PDLIM5: variants seen among roughly 807,000 people sequenced by gnomAD.
PDLIM5 encodes the protein PDZ and LIM domain 5.
Under a neutral mutation model 64.2 loss-of-function variants are expected in PDLIM5, and 34 were observed. That is an observed-to-expected ratio of 0.53 (90% CI 0.40 to 0.71). PDLIM5 has a LOEUF of 0.71. Ranked by LOEUF, PDLIM5 falls within the 30% of genes least tolerant of loss-of-function variation. The probability of loss-of-function intolerance (pLI) is 0.00; values close to 1 mark genes in which losing one functional copy is unlikely to be tolerated. For synonymous variants in PDLIM5, 253 were observed against 269.1 expected (o/e 0.94, Z 0.59); for missense variants, 683 against 733.6 (o/e 0.93, Z 0.80).
At chr4:94,592,687 G>A (rs957629142) in intron 7 of PDLIM5, among the ~76,000 whole-genome samples, 1 of 152,104 alleles carries the variant, frequency 6.6e-6, no homozygotes, top group East Asian at 1.9e-4. Context: ...GAGTGCAGTG[G>A]CGCCATCATG....
chr4:94,559,639 G>A (rs977958635), intron 3 of PDLIM5, among the ~76,000 whole-genome samples: 6 of 152,170 alleles, frequency 3.9e-5, no homozygotes, highest in African/African-American at 9.7e-5. Flanking sequence ...TGTGCATGTC[G>A]AAACTGGAAC....
At chr4:94,469,796 G>A (rs937831005) in intron 2 of PDLIM5, among the ~76,000 whole-genome samples, 1 of 151,924 alleles carries the variant, frequency 6.6e-6, no homozygotes, top group Non-Finnish European at 1.5e-5. Flanking sequence ...TTTTTTTTGA[G>A]CAAAGGAATA....
At chr4:94,551,977 C>T (rs984440522) in intron 3 of PDLIM5, among the ~76,000 whole-genome samples, 4 of 152,066 alleles carry the variant, frequency 2.6e-5, no homozygotes, top group Admixed American at 6.6e-5. Context: ...GATTATTAGG[C>T]AAAGATATTA....
rs1743060440 is a variant in PDLIM5 at position 94,665,940 on chromosome 4, G to T, written c.*1873G>T. On this transcript the variant is annotated 3_prime_UTR_variant, in exon 13 of 13. Transcript: ENST00000317968. ...ACCACATGGAGACAGGGAAACAATT[G>T]TGGTAAAACTGTGGATCCTGTTGCT... 2.0e-6 allele frequency: 3 copies of T among 1,516,350 alleles called. No individual in the cohort carries two copies. Among genetic ancestry groups the T allele is most frequent in the Non-Finnish European group, 2.6e-6 (3 of 1,138,982 alleles). The allele number at this position is 1,516,350 out of a possible 1,614,324, so 93.9% of individuals were successfully genotyped here. A position where few individuals can be genotyped will look rare whatever the true frequency, so the allele number is the denominator to read the frequency against.
chr4:94,507,698 G>A (rs1728510152), intron 2 of PDLIM5, among the ~76,000 whole-genome samples: 1 of 152,168 alleles, frequency 6.6e-6, no homozygotes, highest in African/African-American at 2.4e-5. Context: ...AGATTTACCT[G>A]CAACTTCTGG....
At chr4:94,502,416 A>C (rs1728006277) in intron 2 of PDLIM5, among the ~76,000 whole-genome samples, 2 of 152,184 alleles carry the variant, frequency 1.3e-5, no homozygotes, top group South Asian at 4.1e-4. Flanking sequence ...GGCAGCCCAC[A>C]TGGTGGTCAT....
chr4:94,551,567 G>A (rs888608280), intron 3 of PDLIM5, among the ~76,000 whole-genome samples: 8 of 151,938 alleles, frequency 5.3e-5, no homozygotes, highest in African/African-American at 1.4e-4. Flanking sequence ...ATTTTTAACC[G>A]CAACCCTGTA....
At chr4:94,545,693 T>C (rs1732249857) in intron 3 of PDLIM5, among the ~76,000 whole-genome samples, 1 of 152,182 alleles carries the variant, frequency 6.6e-6, no homozygotes, top group Non-Finnish European at 1.5e-5. Context: ...AGTCATTTTT[T>C]AGTAGATGAT....
chr4:94,666,642 A>G lies in PDLIM5; in HGVS notation c.*2575A>G, dbSNP rs1188784300. ...AGATAGTATTTGATAAGTCAATGAC[A>G]TTTGGATGTTTTCTTCAAAGAATTT... On this transcript the variant is annotated 3_prime_UTR_variant, in exon 13 of 13. Transcript: ENST00000317968. The G allele has an allele frequency of 6.6e-6, 1 of 152,552 alleles. No homozygotes were observed. The highest frequency in any genetic ancestry group is 6.5e-5 in the Admixed American group (1 of 15,282). The allele number at this position is 152,552 out of a possible 1,614,324, so 9.4% of individuals were successfully genotyped here. A position where few individuals can be genotyped will look rare whatever the true frequency, so the allele number is the denominator to read the frequency against.
At chr4:94,660,287 G>C (rs1742579388) in intron 11 of PDLIM5, among the ~76,000 whole-genome samples, 1 of 152,052 alleles carries the variant, frequency 6.6e-6, no homozygotes, top group South Asian at 2.1e-4. Flanking sequence ...CAGCCCTTTG[G>C]CATTTTTCTG....
chr4:94,517,868 T>C (rs1032610674), intron 2 of PDLIM5, among the ~76,000 whole-genome samples: 23 of 152,216 alleles, frequency 1.5e-4, no homozygotes, highest in African/African-American at 4.8e-4. Context: ...TAAATTTCTT[T>C]TGAATCAGCA....
At chr4:94,618,756 A>C (rs549356858) in intron 8 of PDLIM5, among the ~76,000 whole-genome samples, 1 of 152,366 alleles carries the variant, frequency 6.6e-6, no homozygotes, top group Non-Finnish European at 1.5e-5. Flanking sequence ...AAATAAAGTC[A>C]CATAACCTCT....
At chr4:94,553,048 C>A (rs1306820976) in intron 3 of PDLIM5, among the ~76,000 whole-genome samples, 4 of 151,696 alleles carry the variant, frequency 2.6e-5, no homozygotes, top group African/African-American at 9.7e-5. Flanking sequence ...GCAGAGGCAA[C>A]CAATGACTTC....
chr4:94,625,960 T>C (rs780038533), intron 8 of PDLIM5, among the ~76,000 whole-genome samples: 2 of 152,360 alleles, frequency 1.3e-5, no homozygotes, highest in African/African-American at 2.4e-5. Flanking sequence ...CAAAAGTTTA[T>C]GATTCTTTTT....
At chr4:94,640,487 A>T in intron 9 of PDLIM5, 37 bp downstream of exon 9, 2 of 1,313,076 alleles carry the variant, frequency 1.5e-6, no homozygotes, top group Non-Finnish European at 2.1e-6. Context: ...AAAGTACTTA[A>T]TATCAATGTT....
At chr4:94,472,819 AT>A (rs1177423377) in intron 2 of PDLIM5, among the ~76,000 whole-genome samples, 1 of 152,186 alleles carries the variant, frequency 6.6e-6, no homozygotes, top group Non-Finnish European at 1.5e-5. Flanking sequence ...GTAAATTATT[AT>A]TGCTCACTCC....
chr4:94,467,216 A>G (rs1482184548), intron 2 of PDLIM5, among the ~76,000 whole-genome samples: 1 of 152,212 alleles, frequency 6.6e-6, no homozygotes, highest in Admixed American at 6.5e-5. Context: ...TAATGATCAC[A>G]GTGGTAATAG....
At chr4:94,530,762 A>G (rs1222192219) in intron 3 of PDLIM5, among the ~76,000 whole-genome samples, 1 of 152,158 alleles carries the variant, frequency 6.6e-6, no homozygotes, top group Non-Finnish European at 1.5e-5. Flanking sequence ...AAAGATTGCC[A>G]GAGGTCCAAA....
At chr4:94,502,283 A>G (rs964310137) in intron 2 of PDLIM5, among the ~76,000 whole-genome samples, 3 of 152,180 alleles carry the variant, frequency 2.0e-5, no homozygotes, top group Non-Finnish European at 4.4e-5. Context: ...TATCCAGCCT[A>G]CTATATTTAA....
Sources: allele counts gnomAD v4.1 joint callset (sites outside exome capture counted in the v4.1 genomes callset), GRCh38; gene constraint gnomAD v4.1.1; transcripts MANE v1.5; gene names NCBI Gene and HGNC (gene_info 2026-07-23, HGNC 2026-07-21).